The following NLGN4X variants were observed in gnomAD, a reference collection of about 807,000 sequenced individuals.
NLGN4X encodes neuroligin-4, X-linked.
In NLGN4X, 3 loss-of-function variants were observed where a neutral mutation model predicts 40.3. The observed-to-expected ratio is 0.07, with a 90% CI of 0.03 to 0.19. The LOEUF (loss-of-function observed/expected upper bound fraction) is 0.19. Among genes scored for constraint, NLGN4X ranks in the 10% least tolerant of loss-of-function variants. The pLI is 1.00. For synonymous variants in NLGN4X, 270 were observed against 306.8 expected, an observed-to-expected ratio of 0.88 and a Z score of 1.25; for missense variants, 382 against 708.3, an observed-to-expected ratio of 0.54 and a Z score of 5.23.
intron 3 of NLGN4X, among the ~76,000 whole-genome samples, chrX:5,979,517 G>A (rs894702690): frequency 5.4e-5 from 6 of 110,414 alleles, no homozygotes; most frequent in East Asian, 2.9e-4. Context: ...CTGGCATAGC[G>A]AGTCTTGTGG....
chrX:6,193,218 G>C (rs768537314), intron 1 of NLGN4X, among the ~76,000 whole-genome samples: 3 of 110,429 alleles, frequency 2.7e-5, no homozygotes, highest in South Asian at 3.8e-4. Context: ...TCAGGAGATC[G>C]AGACCACGGT....
intron 1 of NLGN4X, among the ~76,000 whole-genome samples, chrX:6,198,976 T>C (rs1602409834): frequency 1.8e-5 from 2 of 112,165 alleles, no homozygotes; most frequent in Non-Finnish European, 3.8e-5. Flanking sequence ...CCATTATTTA[T>C]TGAATTTTCT....
intron 2 of NLGN4X, among the ~76,000 whole-genome samples, chrX:6,109,915 T>C (rs1201627583): frequency 9.0e-6 from 1 of 110,910 alleles, no homozygotes; most frequent in Non-Finnish European, 1.9e-5. Context: ...AAGGGAGGGT[T>C]TCAGAAATAA....
At chrX:5,910,583 T>C (rs1247895073) in intron 3 of NLGN4X, among the ~76,000 whole-genome samples, 4 of 111,222 alleles carry the variant, frequency 3.6e-5, no homozygotes, top group African/African-American at 1.3e-4. Context: ...AAGGAGTGAC[T>C]GAGTGCCGGC....
At chrX:6,037,729 A>G (rs1156368947) in intron 2 of NLGN4X, among the ~76,000 whole-genome samples, 1 of 99,174 alleles carries the variant, frequency 1.0e-5, no homozygotes, top group Non-Finnish European at 2.0e-5. Flanking sequence ...CATTATTTCC[A>G]CACAGGGAAA....
chrX:6,049,144 A>C (rs1156771024), intron 2 of NLGN4X, among the ~76,000 whole-genome samples: 1 of 93,964 alleles, frequency 1.1e-5, no homozygotes, highest in Admixed American at 1.2e-4. Context: ...TGATAACAGG[A>C]GGATGTAAAG....
intron 1 of NLGN4X, among the ~76,000 whole-genome samples, chrX:6,153,954 G>T (rs892629866): frequency 9.8e-5 from 11 of 112,667 alleles, no homozygotes; most frequent in African/African-American, 3.2e-4. Context: ...ATATTCACAG[G>T]TTGAGAGCTA....
intron 3 of NLGN4X, among the ~76,000 whole-genome samples, chrX:5,929,899 G>A: frequency 8.9e-6 from 1 of 112,461 alleles, no homozygotes; most frequent in East Asian, 2.8e-4. Flanking sequence ...AAGTATGATT[G>A]AAGTAAAAAT....
intron 1 of NLGN4X, among the ~76,000 whole-genome samples, chrX:6,214,033 C>G (rs1195202849): frequency 8.9e-6 from 1 of 111,938 alleles, no homozygotes; most frequent in Non-Finnish European, 1.9e-5. Flanking sequence ...CTGACAAGGT[C>G]GTCAAGCTGT....
chrX:6,063,174 T>C (rs1396325391), intron 2 of NLGN4X, among the ~76,000 whole-genome samples: 1 of 111,907 alleles, frequency 8.9e-6, no homozygotes, highest in East Asian at 2.8e-4. Context: ...CATCACCTTA[T>C]AAAATAATAC....
chrX:6,193,828 G>A (rs1031022140), intron 1 of NLGN4X, among the ~76,000 whole-genome samples: 3 of 111,876 alleles, frequency 2.7e-5, no homozygotes, highest in African/African-American at 9.8e-5. Context: ...AAGTTTTGTT[G>A]GAGATCATCA....
chrX:6,134,294 GA>G (rs943670952), intron 2 of NLGN4X, among the ~76,000 whole-genome samples: 1 of 111,833 alleles, frequency 8.9e-6, no homozygotes, highest in African/African-American at 3.2e-5. Flanking sequence ...TAAGAGAATC[GA>G]TATTAATGTC....
chrX:5,977,037 C>T (rs901609439), intron 3 of NLGN4X, among the ~76,000 whole-genome samples: 28 of 112,300 alleles, frequency 2.5e-4, no homozygotes, highest in African/African-American at 9.7e-5. Flanking sequence ...AATAATTGGT[C>T]TCACATACTG....
At chrX:6,164,140 C>A (rs2040455052) in intron 1 of NLGN4X, among the ~76,000 whole-genome samples, 1 of 112,884 alleles carries the variant, frequency 8.9e-6, no homozygotes, top group South Asian at 3.6e-4. Context: ...CTCATTGACA[C>A]AGCAGTAAAG....
chrX:6,013,487 G>A (rs146781745), intron 3 of NLGN4X, among the ~76,000 whole-genome samples: 3,162 of 109,389 alleles, frequency 0.029, 113 homozygotes, highest in African/African-American at 0.097. Context: ...ACCCTGCAAC[G>A]GCTAATCATT....
chrX:6,214,010 C>A (rs1229542234), intron 1 of NLGN4X, among the ~76,000 whole-genome samples: 1 of 111,870 alleles, frequency 8.9e-6, no homozygotes, highest in Non-Finnish European at 1.9e-5. Context: ...GTTGTAAAAA[C>A]CAAAAAACAC....
intron 2 of NLGN4X, among the ~76,000 whole-genome samples, chrX:6,043,501 C>A (rs906301721): frequency 1.5e-4 from 17 of 111,671 alleles, no homozygotes; most frequent in Non-Finnish European, 5.6e-5. Context: ...GTAGTCAGGA[C>A]ACAGCAGCTG....
chrX:5,913,993 C>T (rs2032644371), intron 3 of NLGN4X, among the ~76,000 whole-genome samples: 2 of 112,183 alleles, frequency 1.8e-5, no homozygotes, highest in Middle Eastern at 4.6e-3. Flanking sequence ...CTGCCATGAT[C>T]GTGAGGCCTC....
intron 2 of NLGN4X, among the ~76,000 whole-genome samples, chrX:6,143,266 T>C (rs1161121480): frequency 8.9e-6 from 1 of 112,274 alleles, no homozygotes; most frequent in Non-Finnish European, 1.9e-5. Context: ...ATGACTGATC[T>C]GCTAAGGGGC....
Sources: allele counts gnomAD v4.1 joint callset (sites outside exome capture counted in the v4.1 genomes callset), GRCh38; gene constraint gnomAD v4.1.1; transcripts MANE v1.5; gene names NCBI Gene and HGNC (gene_info 2026-07-23, HGNC 2026-07-21).